The following TTC29 variants were observed in gnomAD, a reference collection of about 807,000 sequenced individuals.
TTC29 encodes tetratricopeptide repeat domain 29.
A neutral mutation model predicts 58.1 loss-of-function variants in TTC29; 49 were observed. That is an observed-to-expected ratio of 0.84 (90% CI 0.67 to 1.07). The LOEUF (loss-of-function observed/expected upper bound fraction) is 1.07. Ranked by LOEUF, TTC29 falls within the 50% of genes least tolerant of loss-of-function variation. The pLI is 0.00. For missense variants in TTC29, 582 were observed against 555.6 expected (o/e 1.05, Z -0.48); for synonymous variants, 209 against 196.8 (o/e 1.06, Z -0.52).
At chr4:146,928,251 T>C (rs1278214861) in intron 4 of TTC29, among the ~76,000 whole-genome samples, 1 of 152,272 alleles carries the variant, frequency 6.6e-6, no homozygotes, top group East Asian at 1.9e-4. Flanking sequence ...ACTGCCTAGA[T>C]TCAAAGTCAG....
At chr4:146,810,891 A>C (rs549835949) in intron 10 of TTC29, among the ~76,000 whole-genome samples, 3 of 152,122 alleles carry the variant, frequency 2.0e-5, no homozygotes, top group Non-Finnish European at 4.4e-5. Flanking sequence ...CAGTCACAGC[A>C]AAAGGTCATT....
At chr4:146,796,338 T>C (rs1433744293) in intron 11 of TTC29, among the ~76,000 whole-genome samples, 1 of 152,104 alleles carries the variant, frequency 6.6e-6, no homozygotes, top group East Asian at 1.9e-4. Context: ...AAGCTAGGAA[T>C]CATAGATTTA....
chr4:146,896,131 A>G (rs966650987), intron 6 of TTC29, among the ~76,000 whole-genome samples: 5 of 152,236 alleles, frequency 3.3e-5, no homozygotes, highest in African/African-American at 1.2e-4. Context: ...TTTTTACAGC[A>G]GGATTTCTCT....
chr4:146,808,013 C>G (rs944319994), intron 10 of TTC29, among the ~76,000 whole-genome samples: 1 of 152,146 alleles, frequency 6.6e-6, no homozygotes, highest in Non-Finnish European at 1.5e-5. Flanking sequence ...AAACCAAATC[C>G]AGCATCACAT....
chr4:146,737,274 G>A (rs906675781), intron 11 of TTC29, among the ~76,000 whole-genome samples: 1 of 152,076 alleles, frequency 6.6e-6, no homozygotes, highest in African/African-American at 2.4e-5. Context: ...CATTAAAGTA[G>A]AACAAGTCAA....
At chr4:146,926,855 A>AGTTT (rs1183076064) in intron 4 of TTC29, among the ~76,000 whole-genome samples, 7 of 152,194 alleles carry the variant, frequency 4.6e-5, no homozygotes, top group African/African-American at 1.7e-4. Context: ...GAGGCCTAAA[A>AGTTT]GGTGAAGAAA....
intron 9 of TTC29, 37 bp from the exon 10 acceptor site, chr4:146,820,285 T>A: frequency 6.3e-7 from 1 of 1,596,512 alleles, no homozygotes; most frequent in Non-Finnish European, 8.5e-7. Flanking sequence ...TGGAGTATCA[T>A]CTCACTTAAT....
Position 146,909,205 on chromosome 4 carries a change from C to T in TTC29, c.221G>A (p.Arg74Gln), listed in dbSNP as rs773230943. 4 of 1,613,460 alleles carry T rather than the reference C, an allele frequency of 2.5e-6. No individual in the cohort carries two copies. Among genetic ancestry groups the T allele is most frequent in the South Asian group, 1.1e-5 (1 of 91,064 alleles). Residue 74 changes from arginine (R) to glutamine (Q), a missense_variant, in exon 5 of 13, where the codon CGA becomes CAA. Coordinates refer to ENST00000325106, the MANE Select transcript of TTC29 (RefSeq NM_031956.4). ...YKKNICVDMLRDGYHKSFTEL... is the reference protein window; with the variant it reads ...YKKNICVDMLQDGYHKSFTEL... ...GGTGAAGGACTTATGATAACCATCT[C>T]GCAGCATGTCCACACAGATATTCTT...
At chr4:146,723,411 CT>C (rs1176900648) in intron 11 of TTC29, among the ~76,000 whole-genome samples, 1 of 152,246 alleles carries the variant, frequency 6.6e-6, no homozygotes, top group East Asian at 1.9e-4. Context: ...AACTAAAGAG[CT>C]TCTGTACAGC....
chr4:146,745,206 G>A (rs540647492), intron 11 of TTC29, among the ~76,000 whole-genome samples: 2 of 152,330 alleles, frequency 1.3e-5, no homozygotes, highest in South Asian at 4.1e-4. Context: ...AGTAGGAGTC[G>A]AGCAAGAGCC....
chr4:146,749,752 C>A, intron 11 of TTC29, among the ~76,000 whole-genome samples: 1 of 152,088 alleles, frequency 6.6e-6, no homozygotes, highest in East Asian at 1.9e-4. Context: ...TATAATCAAA[C>A]TGACAAAAGT....
chr4:146,741,859 G>A (rs1454090788), intron 11 of TTC29, among the ~76,000 whole-genome samples: 1 of 152,284 alleles, frequency 6.6e-6, no homozygotes, highest in Admixed American at 6.5e-5. Context: ...TCCTAAGTTA[G>A]GTGCTTCGCC....
rs542230202 is a variant in TTC29, at chr4:146,756,827, G to A, written c.1330+46630C>T. Among the ~76,000 whole-genome samples, 4 of 151,780 alleles carry A rather than the reference G, an allele frequency of 2.6e-5. No homozygotes were observed. In the South Asian group the frequency reaches 8.3e-4, roughly 32 times the overall value. On this transcript the variant is annotated intron_variant, in intron 11 of 12. Coordinates refer to ENST00000325106, the MANE Select transcript of TTC29 (RefSeq NM_031956.4). The stretch of plus-strand genomic sequence containing the variant: ...TCTACTTGTTCCATTCTACTGCTGA[G>A]ACTTTCCAGAGCATTTCACATTTCT...
Position 146,707,153 on chromosome 4 carries a change from C to T in TTC29, c.*5G>A, listed in dbSNP as rs1184079146. 2.0e-5 allele frequency: 31 copies of T among 1,524,500 alleles called. No individual in the cohort carries two copies. In the Admixed American group the frequency reaches 6.3e-4, roughly 31 times the overall value. 94.4% of individuals were successfully genotyped at this position (1,524,500 alleles called of 1,614,324 possible). On this transcript the variant is annotated 3_prime_UTR_variant, in exon 13 of 13. Coordinates refer to ENST00000325106, the MANE Select transcript of TTC29 (RefSeq NM_031956.4). ...TCTTGCTTTGATGTTAAGTGAAAAG[C>T]TGCTTTAAGTTTCATTTTTTTGATC...
intron 11 of TTC29, among the ~76,000 whole-genome samples, chr4:146,791,462 A>G (rs59895059): frequency 0.057 from 8,691 of 152,250 alleles, 861 homozygotes; most frequent in African/African-American, 0.2. Flanking sequence ...ATAAAAGACA[A>G]TGAATTTAAC....
intron 11 of TTC29, among the ~76,000 whole-genome samples, chr4:146,747,276 C>T (rs1745616493): frequency 6.6e-6 from 1 of 152,112 alleles, no homozygotes; most frequent in Non-Finnish European, 1.5e-5. Flanking sequence ...TGCTCTGTAC[C>T]ATCTTGATAC....
intron 7 of TTC29, among the ~76,000 whole-genome samples, chr4:146,870,698 G>T (rs1450866498): frequency 6.6e-6 from 1 of 151,872 alleles, no homozygotes; most frequent in South Asian, 2.1e-4. Flanking sequence ...GATTATAAGA[G>T]AATTTTGTGG....
intron 11 of TTC29, among the ~76,000 whole-genome samples, chr4:146,742,028 G>T (rs1376496241): frequency 6.6e-6 from 1 of 152,046 alleles, no homozygotes; most frequent in East Asian, 1.9e-4. Flanking sequence ...TATTACAGAA[G>T]CATATGCAGA....
At chr4:146,857,546 G>T (rs1729947640) in intron 8 of TTC29, among the ~76,000 whole-genome samples, 6 of 152,120 alleles carry the variant, frequency 3.9e-5, no homozygotes, top group Admixed American at 3.9e-4. Context: ...AGCTGGTGAT[G>T]AACTACACAC....
Sources: gnomAD v4.1 joint callset for allele counts (sites outside exome capture counted in the v4.1 genomes callset) on GRCh38, gnomAD v4.1.1 for gene constraint, MANE v1.5 for transcripts, NCBI Gene and HGNC (gene_info 2026-07-23, HGNC 2026-07-21) for gene names.